AUH: variants seen among roughly 807,000 people sequenced by gnomAD.
AUH encodes the protein methylglutaconyl-CoA hydratase, mitochondrial.
Under a neutral mutation model 42.3 loss-of-function variants are expected in AUH, and 29 were observed. That is an observed-to-expected ratio of 0.69 (90% CI 0.51 to 0.93). AUH has a LOEUF of 0.93. Ranked by LOEUF, AUH falls within the 40% of genes least tolerant of loss-of-function variation. AUH has a pLI of 0.00. For missense variants in AUH, 452 were observed against 438.1 expected (o/e 1.03, Z -0.28); for synonymous variants, 174 against 166.4 (o/e 1.05, Z -0.35).
intron 6 of AUH, among the ~76,000 whole-genome samples, chr9:91,280,842 G>C (rs1564060631): frequency 6.6e-6 from 1 of 152,072 alleles, no homozygotes; most frequent in Non-Finnish European, 1.5e-5. Flanking sequence ...CAAATTATGA[G>C]GTTTACATCA....
chr9:91,338,846 A>AGACT (rs1387846410), intron 3 of AUH, among the ~76,000 whole-genome samples: 1 of 152,228 alleles, frequency 6.6e-6, no homozygotes, highest in African/African-American at 2.4e-5. Flanking sequence ...GAAACTAATG[A>AGACT]GACTCACTAA....
intron 3 of AUH, among the ~76,000 whole-genome samples, chr9:91,344,030 A>G (rs1831300396): frequency 6.6e-6 from 1 of 152,224 alleles, no homozygotes; most frequent in South Asian, 2.1e-4. Context: ...GAGTGGGAGT[A>G]GGACATTCTT....
chr9:91,316,906 C>G (rs148965703), intron 4 of AUH, among the ~76,000 whole-genome samples: 1 of 151,858 alleles, frequency 6.6e-6, no homozygotes, highest in African/African-American at 2.4e-5. Flanking sequence ...TCACTGTTTT[C>G]TTTTATGTGT....
In AUH at chr9:91,334,838, G is replaced by A. The variant is rs568335177; in HGVS notation, c.419-9434C>T. Among the ~76,000 whole-genome samples the A allele has an allele frequency of 9.9e-5, 15 of 152,184 alleles. No individual in the cohort carries two copies. The East Asian group carries it at 2.3e-3, about 23-fold the overall frequency. The stretch of plus-strand genomic sequence containing the variant: ...ATTTTTGTACATGTGGTGCCAATTC[G>A]AACACCCTGGTCTCTTGATCCCACT... On this transcript the variant is annotated intron_variant, in intron 3 of 9. Coordinates refer to ENST00000375731, the MANE Select transcript of AUH (RefSeq NM_001698.3).
At chr9:91,336,303 T>C (rs140874710) in intron 3 of AUH, among the ~76,000 whole-genome samples, 127 of 152,164 alleles carry the variant, frequency 8.3e-4, no homozygotes, top group African/African-American at 2.9e-3. Context: ...TGAAAAAGGC[T>C]ACATCATTTG....
chr9:91,349,148 A>C (rs947536561), intron 3 of AUH, among the ~76,000 whole-genome samples: 3 of 152,222 alleles, frequency 2.0e-5, no homozygotes, highest in Non-Finnish European at 4.4e-5. Flanking sequence ...CCAGATCATG[A>C]CATTTTTATC....
At chr9:91,256,334 G>A (rs190462603) in intron 6 of AUH, among the ~76,000 whole-genome samples, 139 of 152,200 alleles carry the variant, frequency 9.1e-4, no homozygotes, top group African/African-American at 3.1e-3. Context: ...CCACAATCTG[G>A]AGACTGAGAT....
intron 5 of AUH, among the ~76,000 whole-genome samples, chr9:91,296,558 C>T (rs1014874950): frequency 2.6e-5 from 4 of 152,184 alleles, no homozygotes; most frequent in African/African-American, 9.7e-5. Context: ...ACTATTCTGA[C>T]AGGTGGACAG....
chr9:91,220,779 A>C, intron 7 of AUH, 26 bp downstream of exon 7: 1 of 1,612,692 alleles, frequency 6.2e-7, no homozygotes, highest in Non-Finnish European at 8.5e-7. Flanking sequence ...AAATGAGAAA[A>C]AATAAACTCA....
chr9:91,250,405 T>C (rs2131382897), intron 6 of AUH, among the ~76,000 whole-genome samples: 1 of 152,336 alleles, frequency 6.6e-6, no homozygotes, highest in Middle Eastern at 3.4e-3. Context: ...CATTTTCTTG[T>C]TCACTGCATG....
At chr9:91,307,147 C>T (rs1436603440) in intron 4 of AUH, among the ~76,000 whole-genome samples, 6 of 152,104 alleles carry the variant, frequency 3.9e-5, no homozygotes, top group African/African-American at 1.4e-4. Flanking sequence ...AGGTGATGGA[C>T]ATATTCATTA....
chr9:91,253,050 C>A (rs1480052112), intron 6 of AUH, among the ~76,000 whole-genome samples: 1 of 152,174 alleles, frequency 6.6e-6, no homozygotes, highest in African/African-American at 2.4e-5. Flanking sequence ...ATTTCTTAAA[C>A]AAAGCCCTTT....
At chr9:91,237,472 T>C (rs1828254192) in intron 6 of AUH, among the ~76,000 whole-genome samples, 1 of 152,230 alleles carries the variant, frequency 6.6e-6, no homozygotes, top group Non-Finnish European at 1.5e-5. Flanking sequence ...TAAATAATAT[T>C]AAAATGAGTT....
At chr9:91,340,357 G>A (rs1831017116) in intron 3 of AUH, among the ~76,000 whole-genome samples, 1 of 151,988 alleles carries the variant, frequency 6.6e-6, no homozygotes, top group Non-Finnish European at 1.5e-5. Context: ...TCACAAAAAG[G>A]TAACAAACAT....
intron 7 of AUH, chr9:91,218,938 C>T: frequency 1.0e-6 from 1 of 985,300 alleles, no homozygotes; most frequent in South Asian, 4.7e-5. Context: ...TATACATCAA[C>T]ATCTTCTTAT....
At chr9:91,307,629 A>G (rs948031276) in intron 4 of AUH, among the ~76,000 whole-genome samples, 3 of 152,242 alleles carry the variant, frequency 2.0e-5, no homozygotes, top group African/African-American at 7.2e-5. Flanking sequence ...ATATTTTGAG[A>G]ACAGACTATA....
intron 6 of AUH, among the ~76,000 whole-genome samples, chr9:91,252,211 T>C (rs298721): frequency 0.65 from 98,012 of 151,912 alleles, 34,152 homozygotes; most frequent in East Asian, 0.95. Context: ...GTGATCTGCC[T>C]GCCTCGGCCT....
At chr9:91,306,598 T>C (rs992064723) in intron 4 of AUH, among the ~76,000 whole-genome samples, 1 of 152,234 alleles carries the variant, frequency 6.6e-6, no homozygotes, top group African/African-American at 2.4e-5. Context: ...TTTATAAATG[T>C]AGACTCCCAG....
intron 3 of AUH, among the ~76,000 whole-genome samples, chr9:91,336,658 T>C (rs1171712458): frequency 8.2e-6 from 1 of 122,336 alleles, no homozygotes; most frequent in Non-Finnish European, 1.8e-5. Flanking sequence ...GAAATGAACC[T>C]CCATCACACA....
Sources: gnomAD v4.1 joint callset for allele counts (sites outside exome capture counted in the v4.1 genomes callset) on GRCh38, gnomAD v4.1.1 for gene constraint, MANE v1.5 for transcripts, NCBI Gene and HGNC (gene_info 2026-07-23, HGNC 2026-07-21) for gene names.